The following FBXO9 variants were observed in gnomAD, a reference collection of about 807,000 sequenced individuals.
FBXO9 encodes the protein F-box only protein 9.
In FBXO9, 43 loss-of-function variants were observed where a neutral mutation model predicts 63.7. The ratio of observed to expected loss-of-function variants is 0.67; its 90% confidence interval spans 0.53 to 0.87. FBXO9 has a LOEUF of 0.87. Ranked by LOEUF, FBXO9 falls within the 40% of genes least tolerant of loss-of-function variation. The pLI, the probability that FBXO9 is intolerant of heterozygous loss-of-function variation, is 0.00. For missense variants in FBXO9, 442 were observed against 533.2 expected (o/e 0.83, Z 1.68); for synonymous variants, 156 against 171.7 (o/e 0.91, Z 0.72).
intron 11 of FBXO9, among the ~76,000 whole-genome samples, chr6:53,094,523 T>C (rs1401721479): frequency 1.3e-5 from 2 of 152,254 alleles, no homozygotes; most frequent in African/African-American, 4.8e-5. Context: ...CCTTTCTCCA[T>C]ATGCACGTTT....
chr6:53,073,688 C>T (rs1334754467), intron 3 of FBXO9, 49 bp downstream of exon 3: 1 of 1,434,622 alleles, frequency 7.0e-7, no homozygotes, highest in Middle Eastern at 1.9e-4. Flanking sequence ...TTTTTTGGCA[C>T]ATGGAAATTT....
intron 1 of FBXO9, chr6:53,067,884 A>T (rs1398363436): frequency 1.3e-5 from 2 of 152,086 alleles, no homozygotes. Flanking sequence ...TGAGTTCTTG[A>T]TCTCATTTAT....
intron 11 of FBXO9, among the ~76,000 whole-genome samples, chr6:53,094,278 C>T (rs1288237394): frequency 1.3e-5 from 2 of 152,086 alleles, no homozygotes; most frequent in Non-Finnish European, 2.9e-5. Flanking sequence ...GTTTTTGGCT[C>T]TGCTCATGTC....
intron 3 of FBXO9, among the ~76,000 whole-genome samples, chr6:53,076,090 G>C (rs917711457): frequency 6.6e-6 from 1 of 152,082 alleles, no homozygotes; most frequent in Non-Finnish European, 1.5e-5. Flanking sequence ...CTTTATTCTA[G>C]ATGCAAGTCT....
chr6:53,077,607 T>G (rs1769165815), intron 4 of FBXO9, among the ~76,000 whole-genome samples: 1 of 152,188 alleles, frequency 6.6e-6, no homozygotes, highest in Non-Finnish European at 1.5e-5. Context: ...GTAATTATGC[T>G]TTCCTTTTGT....
chr6:53,066,367 G>A (rs1768699536), intron 1 of FBXO9, among the ~76,000 whole-genome samples: 1 of 152,232 alleles, frequency 6.6e-6, no homozygotes. Context: ...CGTCTCCGCG[G>A]CGTCGGTGCC....
At chr6:53,081,615 G>T (rs1581818638) in intron 6 of FBXO9, among the ~76,000 whole-genome samples, 1 of 152,340 alleles carries the variant, frequency 6.6e-6, no homozygotes, top group South Asian at 2.1e-4. Context: ...ACAGTTTGTA[G>T]TGCTGTTGTT....
intron 11 of FBXO9, 109 bp from the exon 12 acceptor site, chr6:53,095,404 A>C (rs2127500215): frequency 9.8e-7 from 1 of 1,017,200 alleles, no homozygotes; most frequent in East Asian, 2.7e-5. Context: ...ACGACTCTTT[A>C]CTGCATGCAA....
chr6:53,077,240 C>T (rs531300398), intron 4 of FBXO9, among the ~76,000 whole-genome samples: 26 of 151,932 alleles, frequency 1.7e-4, no homozygotes, highest in African/African-American at 6.3e-4. Context: ...TTTGGGAGGC[C>T]GAGGCGGGCG....
At chr6:53,090,113 T>C (rs1443400388) in intron 7 of FBXO9, among the ~76,000 whole-genome samples, 1 of 152,202 alleles carries the variant, frequency 6.6e-6, no homozygotes, top group Non-Finnish European at 1.5e-5. Context: ...GCTACAAAGA[T>C]CATTAACAAG....
chr6:53,065,239 C>G (rs1267335691), upstream of FBXO9: 5 of 152,554 alleles, frequency 3.3e-5, no homozygotes, highest in African/African-American at 1.2e-4. Flanking sequence ...CTTAAGTGTT[C>G]ACTCAGCCCA....
chr6:53,088,542 A>G (rs1247624981), intron 7 of FBXO9, among the ~76,000 whole-genome samples: 1 of 151,986 alleles, frequency 6.6e-6, no homozygotes, highest in Non-Finnish European at 1.5e-5. Flanking sequence ...TGTCAGAGAA[A>G]GTCAGGAGTT....
rs1562074813 is a variant in FBXO9 at position 53,093,468 on chromosome 6, A to C, written c.866A>C (p.Tyr289Ser). The C allele has an allele frequency of 1.2e-6, 2 of 1,608,470 alleles. No homozygotes were observed. Among genetic ancestry groups the C allele is most frequent in the African/African-American group, 2.7e-5 (2 of 74,930 alleles). Residue 289 changes from tyrosine to serine, a missense_variant and splice_region_variant, in exon 10 of 13, where the codon TAC becomes TCC. Tyr to Ser is a moderately radical substitution (Grantham distance 144). Transcript: ENST00000323557. ...RAWHQVEYYR[Y>S]IRFFPDGHVM... Reference sequence around the variant, plus strand: ...GTCTTCCTTTTCTTATTACATAGGTACATAAGATTCTTTCCTGATGGCCAT... The same window carrying C: ...GTCTTCCTTTTCTTATTACATAGGTCCATAAGATTCTTTCCTGATGGCCAT...
chr6:53,099,927 A>G lies in FBXO9; in HGVS notation c.*2097A>G, dbSNP rs1238312652. ...TAGTCAAATATAGCTAGAAAAATAT[A>G]TTCCTAAGGAAAGTGAGATTTGAGG... On this transcript the variant is annotated 3_prime_UTR_variant, in exon 13 of 13. Transcript: ENST00000323557. 6.6e-6 allele frequency: 1 copy of G among 152,216 alleles called. No homozygotes were observed. Among genetic ancestry groups the G allele is most frequent in the Non-Finnish European group, 1.5e-5 (1 of 68,034 alleles). 9.4% of individuals were successfully genotyped at this position (152,216 alleles called of 1,614,324 possible).
chr6:53,070,988 G>A, intron 1 of FBXO9, 69 bp from the exon 2 acceptor site: 1 of 1,546,716 alleles, frequency 6.5e-7, no homozygotes, highest in Non-Finnish European at 8.8e-7. Flanking sequence ...GGCTGAATGA[G>A]AAATGTAGAT....
chr6:53,086,873 G>T (rs1026894785), intron 7 of FBXO9, among the ~76,000 whole-genome samples: 2 of 152,094 alleles, frequency 1.3e-5, no homozygotes, highest in African/African-American at 4.8e-5. Context: ...TTCAAGACCA[G>T]CCTGGACAAC....
intron 2 of FBXO9, among the ~76,000 whole-genome samples, chr6:53,072,849 T>C (rs954878422): frequency 6.6e-6 from 1 of 151,996 alleles, no homozygotes; most frequent in Non-Finnish European, 1.5e-5. Context: ...GCCTCCCAAG[T>C]AGCTGGGATT....
In FBXO9 at chr6:53,078,982, T is replaced by C. The variant is rs1769216939; in HGVS notation, c.407+84T>C. 4 of 978,296 alleles carry C rather than the reference T, an allele frequency of 4.1e-6. No homozygotes were observed. The Admixed American group carries it at 5.8e-5, about 14-fold the overall frequency. The allele number at this position is 978,296 out of a possible 1,614,324, so 60.6% of individuals were successfully genotyped here. A position where few individuals can be genotyped will look rare whatever the true frequency, so the allele number is the denominator to read the frequency against. ...GCCCTGTTGACTCTTAAGATGGTGC[T>C]AATTCTGTTGAGCTCTATACTCTTT... is the stretch of plus-strand genomic sequence containing the variant. On this transcript the variant is annotated intron_variant, in intron 5 of 12. Coordinates refer to ENST00000323557, the MANE Select transcript of FBXO9 (RefSeq NM_033480.3).
chr6:53,079,328 G>A, intron 5 of FBXO9, among the ~76,000 whole-genome samples: 1 of 152,038 alleles, frequency 6.6e-6, no homozygotes, highest in East Asian at 1.9e-4. Flanking sequence ...GTATATGTTT[G>A]AAATTTTACA....
Sources: gnomAD v4.1 joint callset for allele counts (sites outside exome capture counted in the v4.1 genomes callset) on GRCh38, gnomAD v4.1.1 for gene constraint, MANE v1.5 for transcripts, NCBI Gene and HGNC (gene_info 2026-07-23, HGNC 2026-07-21) for gene names.